GSK3B: variants seen among roughly 807,000 people sequenced by gnomAD.
The protein encoded by GSK3B is glycogen synthase kinase-3 beta.
A neutral mutation model predicts 56.4 loss-of-function variants in GSK3B; 15 were observed. The ratio of observed to expected loss-of-function variants is 0.27; its 90% CI spans 0.18 to 0.41. The LOEUF (loss-of-function observed/expected upper bound fraction) is 0.41. Among genes scored for constraint, GSK3B ranks in the 10% least tolerant of loss-of-function variants. The probability of loss-of-function intolerance (pLI) is 1.00; values close to 1 mark genes in which losing one functional copy is unlikely to be tolerated. For missense variants in GSK3B, 300 were observed against 513.4 expected (o/e 0.58, Z 4.02); for synonymous variants, 181 against 188.9 (o/e 0.96, Z 0.34).
rs911034088 is a variant in GSK3B, at chr3:119,823,572, G to T, written c.*3216C>A. Reference sequence around the variant, plus strand: ...GAATCTGCTGTTTTTAAGACCCATGGTTAGGGCTTGTGGAAGAGACGAGCA... The same window carrying T: ...GAATCTGCTGTTTTTAAGACCCATGTTTAGGGCTTGTGGAAGAGACGAGCA... On this transcript the variant is annotated 3_prime_UTR_variant, in exon 11 of 11. Coordinates refer to ENST00000264235, the MANE Select transcript of GSK3B (RefSeq NM_001146156.2). The T allele has an allele frequency of 2.2e-5, 4 of 185,958 alleles. No homozygotes were observed. Among genetic ancestry groups the T allele is most frequent in the Non-Finnish European group, 3.4e-5 (3 of 87,976 alleles). The allele number at this position is 185,958 out of a possible 1,614,324, so 11.5% of individuals were successfully genotyped here.
At chr3:119,987,602 C>T (rs1278255841) in intron 2 of GSK3B, among the ~76,000 whole-genome samples, 3 of 151,948 alleles carry the variant, frequency 2.0e-5, no homozygotes, top group Admixed American at 6.6e-5. Context: ...AAAACAAAAG[C>T]ACAATGGGTT....
At chr3:119,848,301 A>G (rs1180299328) in intron 9 of GSK3B, among the ~76,000 whole-genome samples, 1 of 152,214 alleles carries the variant, frequency 6.6e-6, no homozygotes, top group Non-Finnish European at 1.5e-5. Context: ...AATATGTGTC[A>G]CAGTTTGAAG....
intron 7 of GSK3B, among the ~76,000 whole-genome samples, chr3:119,888,546 T>C (rs2056465775): frequency 6.6e-6 from 1 of 152,152 alleles, no homozygotes; most frequent in African/African-American, 2.4e-5. Context: ...TCAGGCCCAC[T>C]ATTGTGTTAA....
At chr3:119,944,590 A>G (rs2057082064) in intron 3 of GSK3B, among the ~76,000 whole-genome samples, 1 of 152,084 alleles carries the variant, frequency 6.6e-6, no homozygotes, top group South Asian at 2.1e-4. Context: ...GGCCTCAAAC[A>G]GCACTCCATG....
intron 8 of GSK3B, among the ~76,000 whole-genome samples, chr3:119,875,603 T>C (rs1310980344): frequency 1.3e-5 from 2 of 151,758 alleles, no homozygotes; most frequent in Admixed American, 6.6e-5. Context: ...GTAAGTCACT[T>C]TGAATCTTTG....
At chr3:120,092,060 ATT>A (rs1339908021) in intron 1 of GSK3B, among the ~76,000 whole-genome samples, 1 of 152,142 alleles carries the variant, frequency 6.6e-6, no homozygotes, top group East Asian at 1.9e-4. Flanking sequence ...CAACAAATTA[ATT>A]TGTCTTTGCC....
chr3:120,093,438 C>G lies in GSK3B; in HGVS notation c.-4G>C. On this transcript the variant is annotated 5_prime_UTR_variant, in exon 1 of 11. Coordinates refer to ENST00000264235, the MANE Select transcript of GSK3B (RefSeq NM_001146156.2). ...TGGTTCTGGGCCGCCCTGACATGATCACTCTCTTCGCGAATCACCTTTTCC... is the reference window on the plus strand; with the variant it reads ...TGGTTCTGGGCCGCCCTGACATGATGACTCTCTTCGCGAATCACCTTTTCC... 1.2e-6 allele frequency: 2 copies of G among 1,600,594 alleles called. No homozygotes were observed. Among genetic ancestry groups the G allele is most frequent in the Non-Finnish European group, 1.7e-6 (2 of 1,167,740 alleles).
chr3:119,976,790 A>T (rs752314448), intron 2 of GSK3B, among the ~76,000 whole-genome samples: 4 of 151,502 alleles, frequency 2.6e-5, no homozygotes, highest in Non-Finnish European at 4.4e-5. Context: ...AAAAAATAGA[A>T]AGGTTTTAGT....
Position 120,036,288 on chromosome 3 carries a change from G to A in GSK3B, c.89-34049C>T, listed in dbSNP as rs573605506. On this transcript the variant is annotated intron_variant, in intron 1 of 10. Coordinates refer to ENST00000264235, the MANE Select transcript of GSK3B (RefSeq NM_001146156.2). ...GTATAACTTACCAAAGAAAGTCCTC[G>A]ATTTTTTTATGTAACAGAAAAACAT... 9.2e-5 allele frequency among the ~76,000 whole-genome samples: 14 copies of A among 152,192 alleles called. No homozygotes were observed. The East Asian group carries it at 1.5e-3, about 17-fold the overall frequency.
At chr3:119,842,810 T>A (rs1449296723) in intron 10 of GSK3B, among the ~76,000 whole-genome samples, 1 of 152,130 alleles carries the variant, frequency 6.6e-6, no homozygotes, top group African/African-American at 2.4e-5. Context: ...AAGCAAAAAA[T>A]TTTATTCAGG....
At chr3:119,997,902 G>C (rs980370630) in intron 2 of GSK3B, among the ~76,000 whole-genome samples, 1 of 152,078 alleles carries the variant, frequency 6.6e-6, no homozygotes, top group Non-Finnish European at 1.5e-5. Context: ...TTGGGGAAAG[G>C]TTAAGTTATA....
At chr3:119,945,474 G>A (rs1220369550) in intron 3 of GSK3B, among the ~76,000 whole-genome samples, 1 of 152,162 alleles carries the variant, frequency 6.6e-6, no homozygotes, top group Admixed American at 6.5e-5. Context: ...CAGCAGAGAG[G>A]AAATTATCCT....
At chr3:119,901,860 T>C (rs1439282342) in intron 7 of GSK3B, among the ~76,000 whole-genome samples, 1 of 152,172 alleles carries the variant, frequency 6.6e-6, no homozygotes, top group African/African-American at 2.4e-5. Context: ...AAAAACTTCA[T>C]AAAGCTTATT....
intron 8 of GSK3B, among the ~76,000 whole-genome samples, chr3:119,871,018 A>G (rs1223611555): frequency 6.6e-6 from 1 of 152,208 alleles, no homozygotes; most frequent in African/African-American, 2.4e-5. Context: ...AGGCATTTTA[A>G]TAATACATTG....
intron 1 of GSK3B, among the ~76,000 whole-genome samples, chr3:120,054,470 T>C (rs1393289270): frequency 6.6e-6 from 1 of 152,214 alleles, no homozygotes; most frequent in Admixed American, 6.5e-5. Flanking sequence ...TTTTCAGATT[T>C]TATTTGTCCT....
intron 2 of GSK3B, among the ~76,000 whole-genome samples, chr3:120,000,988 G>A (rs1344408639): frequency 7.1e-6 from 1 of 141,726 alleles, no homozygotes; most frequent in Non-Finnish European, 1.5e-5. Flanking sequence ...GCAGTGGCGC[G>A]ATCTCGGCTC....
chr3:120,019,441 C>G (rs918043394), intron 1 of GSK3B, among the ~76,000 whole-genome samples: 1 of 152,192 alleles, frequency 6.6e-6, no homozygotes, highest in African/African-American at 2.4e-5. Context: ...ATGTTATACT[C>G]TACCCCTATT....
intron 1 of GSK3B, chr3:120,041,144 A>C (rs945862326): frequency 6.0e-6 from 1 of 166,238 alleles, no homozygotes; most frequent in African/African-American, 2.4e-5. Flanking sequence ...TGGCTCTGCA[A>C]AACATGCAGA....
At chr3:120,052,223 TTTA>T (rs1329526773) in intron 1 of GSK3B, among the ~76,000 whole-genome samples, 2 of 152,174 alleles carry the variant, frequency 1.3e-5, no homozygotes, top group African/African-American at 2.4e-5. Context: ...AATAGTACAA[TTTA>T]TTTGACAGAA....
Sources: allele counts gnomAD v4.1 joint callset (sites outside exome capture counted in the v4.1 genomes callset), GRCh38; gene constraint gnomAD v4.1.1; transcripts MANE v1.5; gene names NCBI Gene and HGNC (gene_info 2026-07-23, HGNC 2026-07-21).